Variants in MTHFD2L observed in about 807,000 individuals in gnomAD.
MTHFD2L encodes the protein methylenetetrahydrofolate dehydrogenase (NADP+ dependent) 2 like, also known as bifunctional methylenetetrahydrofolate dehydrogenase/cyclohydrolase 2, mitochondrial.
Under a neutral mutation model 34.9 loss-of-function variants are expected in MTHFD2L, and 29 were observed. That is an observed-to-expected ratio of 0.83 (90% CI 0.62 to 1.13). The LOEUF (loss-of-function observed/expected upper bound fraction) is 1.13, where lower values mean the gene tolerates loss of function less well. MTHFD2L is among the 50% of genes most tolerant of loss of function. MTHFD2L has a pLI of 0.00. For synonymous variants in MTHFD2L, 167 were observed against 155.7 expected (o/e 1.07, Z -0.54); for missense variants, 481 against 446.5 (o/e 1.08, Z -0.70).
At chr4:74,281,320 C>T in intron 6 of MTHFD2L, 105 bp from the exon 7 acceptor site, 4 of 740,450 alleles carry the variant, frequency 5.4e-6, no homozygotes, top group Non-Finnish European at 7.3e-6. Flanking sequence ...ATGTATTACA[C>T]ATACGTGTGT....
At chr4:74,240,816 A>G (rs889167626) in intron 6 of MTHFD2L, among the ~76,000 whole-genome samples, 2 of 152,206 alleles carry the variant, frequency 1.3e-5, no homozygotes, top group South Asian at 4.1e-4. Context: ...TGTTTTCTGC[A>G]GCTGTTACTT....
intron 1 of MTHFD2L, among the ~76,000 whole-genome samples, chr4:74,125,699 T>G (rs1318630465): frequency 6.6e-6 from 1 of 152,158 alleles, no homozygotes; most frequent in Non-Finnish European, 1.5e-5. Context: ...CGATAGTAAT[T>G]TGCTTTTTTA....
intron 7 of MTHFD2L, among the ~76,000 whole-genome samples, chr4:74,300,808 G>T (rs963151520): frequency 6.6e-6 from 1 of 152,050 alleles, no homozygotes; most frequent in South Asian, 2.1e-4. Context: ...GGTCAGAAAT[G>T]CATTTAATAC....
chr4:74,150,342 T>C (rs11942036), intron 1 of MTHFD2L, among the ~76,000 whole-genome samples: 3,635 of 152,244 alleles, frequency 0.024, 134 homozygotes, highest in African/African-American at 0.081. Flanking sequence ...CAACTTCCAC[T>C]TCCCAGGTTC....
intron 1 of MTHFD2L, among the ~76,000 whole-genome samples, chr4:74,165,349 A>G (rs1221088423): frequency 6.6e-6 from 1 of 152,070 alleles, no homozygotes; most frequent in Non-Finnish European, 1.5e-5. Flanking sequence ...AAAAGTTAAT[A>G]AGATCTTATG....
rs529473746 is a variant in MTHFD2L at position 74,244,582 on chromosome 4, G to A, written c.805+19188G>A. ...TAATTTTTATATTGTATAATGATAT[G>A]TGGCAATGTGGAATATCCACAAAAC... On this transcript the variant is annotated intron_variant, in intron 6 of 7. Transcript: ENST00000325278. Among the ~76,000 whole-genome samples the A allele has an allele frequency of 2.0e-5, 3 of 152,230 alleles. No individual in the cohort carries two copies. In the South Asian group the frequency reaches 6.2e-4, roughly 32 times the overall value.
chr4:74,148,123 C>G (rs1299548171), intron 1 of MTHFD2L, among the ~76,000 whole-genome samples: 1 of 151,916 alleles, frequency 6.6e-6, no homozygotes, highest in Admixed American at 6.6e-5. Context: ...AAAAGACTAC[C>G]TTTTCCACAT....
At chr4:74,173,374 A>G (rs939181130) in intron 1 of MTHFD2L, among the ~76,000 whole-genome samples, 4 of 152,298 alleles carry the variant, frequency 2.6e-5, no homozygotes, top group African/African-American at 9.6e-5. Flanking sequence ...ATAAACTGCC[A>G]GGAAGTAATC....
chr4:74,200,679 A>G (rs1249328641), intron 4 of MTHFD2L, among the ~76,000 whole-genome samples: 4 of 152,204 alleles, frequency 2.6e-5, no homozygotes, highest in Non-Finnish European at 5.9e-5. Context: ...AACAGATCCT[A>G]GAATCATACT....
chr4:74,164,676 C>T (rs185955821), intron 1 of MTHFD2L, among the ~76,000 whole-genome samples: 306 of 152,290 alleles, frequency 2.0e-3, no homozygotes, highest in Non-Finnish European at 3.2e-3. Context: ...AAATTGCATG[C>T]CGTTGAGAGA....
At chr4:74,286,039 G>A (rs577018964) in intron 7 of MTHFD2L, among the ~76,000 whole-genome samples, 2 of 152,152 alleles carry the variant, frequency 1.3e-5, no homozygotes, top group South Asian at 4.1e-4. Context: ...TGCCTCTCTG[G>A]ATGTTTTGGG....
intron 1 of MTHFD2L, among the ~76,000 whole-genome samples, chr4:74,173,884 T>A (rs1728509052): frequency 6.6e-6 from 1 of 152,202 alleles, no homozygotes; most frequent in South Asian, 2.1e-4. Context: ...GTTTTATATA[T>A]GTATGTGAAA....
chr4:74,275,570 A>G lies in MTHFD2L; in HGVS notation c.806-5855A>G, dbSNP rs114380136. On this transcript the variant is annotated intron_variant, in intron 6 of 7. Coordinates refer to ENST00000325278, the MANE Select transcript of MTHFD2L (RefSeq NM_001144978.3). ...TAATTTATATTCCCACTAATAATAT[A>G]AAAGGGTTCCTATTTCTCCACTGCC... is the stretch of plus-strand genomic sequence containing the variant. Among the ~76,000 whole-genome samples the G allele has an allele frequency of 6.2e-3, 943 of 152,296 alleles. 10 individuals carry two copies. The highest frequency in any genetic ancestry group is 0.022 in the African/African-American group (904 of 41,562).
At chr4:74,245,556 C>A (rs894558345) in intron 6 of MTHFD2L, among the ~76,000 whole-genome samples, 8 of 151,928 alleles carry the variant, frequency 5.3e-5, no homozygotes, top group Admixed American at 2.0e-4. Flanking sequence ...ATACATGTGC[C>A]ATGCTGGTGT....
At chr4:74,254,192 A>G (rs1194149194) in intron 6 of MTHFD2L, among the ~76,000 whole-genome samples, 1 of 152,222 alleles carries the variant, frequency 6.6e-6, no homozygotes, top group African/African-American at 2.4e-5. Flanking sequence ...AGATCCATGA[A>G]TCCCAAAGAA....
chr4:74,138,902 C>T (rs911447386), intron 1 of MTHFD2L, among the ~76,000 whole-genome samples: 3 of 152,154 alleles, frequency 2.0e-5, no homozygotes, highest in African/African-American at 7.2e-5. Context: ...TTGACTATTT[C>T]TTTACCTCCT....
chr4:74,270,403 G>A (rs1338973450), intron 6 of MTHFD2L, among the ~76,000 whole-genome samples: 2 of 151,612 alleles, frequency 1.3e-5, no homozygotes, highest in African/African-American at 2.4e-5. Flanking sequence ...TCCCACCTAT[G>A]AGTGAGAACA....
intron 1 of MTHFD2L, among the ~76,000 whole-genome samples, chr4:74,163,845 C>G (rs972280739): frequency 9.2e-5 from 14 of 152,044 alleles, no homozygotes; most frequent in Non-Finnish European, 1.8e-4. Flanking sequence ...GTTAATCATT[C>G]TATTAGGATT....
chr4:74,245,632 C>G (rs1437036969), intron 6 of MTHFD2L, among the ~76,000 whole-genome samples: 1 of 152,092 alleles, frequency 6.6e-6, no homozygotes, highest in Non-Finnish European at 1.5e-5. Context: ...CCCTCCTCCC[C>G]CTACCCCACA....
Sources: gnomAD v4.1 joint callset for allele counts (sites outside exome capture counted in the v4.1 genomes callset) on GRCh38, gnomAD v4.1.1 for gene constraint, MANE v1.5 for transcripts, NCBI Gene and HGNC (gene_info 2026-07-23, HGNC 2026-07-21) for gene names.